The following MAL variants were observed in gnomAD, a reference collection of about 807,000 sequenced individuals.
MAL encodes mal, T cell differentiation protein (MAL blood group).
Under a neutral mutation model 16.7 loss-of-function variants are expected in MAL, and 5 were observed. That is an observed-to-expected ratio of 0.30 (90% CI 0.16 to 0.63). MAL has a LOEUF of 0.63. Ranked by LOEUF, MAL falls within the 30% of genes least tolerant of loss-of-function variation. The pLI is 0.82. For synonymous variants in MAL, 96 were observed against 85.5 expected (o/e 1.12, Z -0.67); for missense variants, 202 against 195.8 (o/e 1.03, Z -0.19).
At chr2:95,045,380 CCCAGGTA>C (rs1276594979) in intron 1 of MAL, among the ~76,000 whole-genome samples, 1 of 152,192 alleles carries the variant, frequency 6.6e-6, no homozygotes, top group Non-Finnish European at 1.5e-5. Flanking sequence ...TTCAGCCACA[CCCAGGTA>C]CCAGGAGACC....
Position 95,047,104 on chromosome 2 carries a change from AT to A in MAL, c.94-854del, listed in dbSNP as rs148037681. 7.9e-3 allele frequency among the ~76,000 whole-genome samples: 1,201 copies of A among 152,312 alleles called. 18 individuals are homozygous for A. The highest frequency in any genetic ancestry group is 0.028 in the African/African-American group (1,155 of 41,554). On this transcript the variant is annotated intron_variant, in intron 1 of 3. Transcript: ENST00000309988. Reference sequence around the variant, plus strand: ...CAGTGTGGTTAATTTGTTTTGCCAAATAAAGACCAAAAAGATCTGCTGGTCA... The same window carrying A: ...CAGTGTGGTTAATTTGTTTTGCCAAAAAAGACCAAAAAGATCTGCTGGTCA...
chr2:95,033,868 C>T (rs1012910014), intron 1 of MAL, among the ~76,000 whole-genome samples: 1 of 152,296 alleles, frequency 6.6e-6, no homozygotes, highest in South Asian at 2.1e-4. Context: ...TGGGCCTCAG[C>T]CAGCTCATCA....
intron 1 of MAL, among the ~76,000 whole-genome samples, chr2:95,043,964 C>T (rs182323207): frequency 1.5e-4 from 23 of 152,306 alleles, no homozygotes; most frequent in Admixed American, 3.3e-4. Context: ...GGTGTAAGAG[C>T]GTCCCTAGGA....
At chr2:95,045,957 C>T (rs1466980590) in intron 1 of MAL, among the ~76,000 whole-genome samples, 3 of 152,254 alleles carry the variant, frequency 2.0e-5, no homozygotes, top group Admixed American at 1.3e-4. Flanking sequence ...GTGCATCCCA[C>T]CGGCCCTGCC....
At chr2:95,035,771 G>GC (rs1674190259) in intron 1 of MAL, among the ~76,000 whole-genome samples, 1 of 150,258 alleles carries the variant, frequency 6.7e-6, no homozygotes, top group Non-Finnish European at 1.5e-5. Context: ...CTGGGCTCAC[G>GC]CCATTCTCCT....
At chr2:95,049,305 C>A (rs943900933) in intron 2 of MAL, among the ~76,000 whole-genome samples, 10 of 152,230 alleles carry the variant, frequency 6.6e-5, no homozygotes, top group Non-Finnish European at 1.2e-4. Context: ...CCCTGGGACA[C>A]CCCAAGCTGC....
intron 1 of MAL, among the ~76,000 whole-genome samples, chr2:95,042,211 C>A (rs560290782): frequency 6.6e-6 from 1 of 152,292 alleles, no homozygotes; most frequent in East Asian, 1.9e-4. Flanking sequence ...GGGGGGCAGT[C>A]GGCTGGCATC....
chr2:95,038,684 GTGAGTGAC>G (rs1229557771), intron 1 of MAL, among the ~76,000 whole-genome samples: 7 of 151,856 alleles, frequency 4.6e-5, no homozygotes, highest in South Asian at 4.2e-4. Context: ...GACTGACTGA[GTGAGTGAC>G]TGAGTGACTG....
chr2:95,049,831 T>C, intron 3 of MAL, 125 bp downstream of exon 3: 1 of 1,352,230 alleles, frequency 7.4e-7, no homozygotes, highest in Non-Finnish European at 1.0e-6. Context: ...GGTCAAACCT[T>C]GCCTTCATGC....
chr2:95,047,891 G>A (rs1454108254), intron 1 of MAL, 68 bp from the exon 2 acceptor site: 4 of 1,513,994 alleles, frequency 2.6e-6, no homozygotes, highest in Non-Finnish European at 2.7e-6. Context: ...TGTGACCGCT[G>A]GTCGGGGGCC....
intron 1 of MAL, among the ~76,000 whole-genome samples, chr2:95,039,428 CTGAG>C (rs1674381749): frequency 2.7e-5 from 2 of 73,100 alleles, no homozygotes; most frequent in African/African-American, 1.1e-4. Flanking sequence ...GAGTGAGTGA[CTGAG>C]TGACTGAGTG....
At chr2:95,044,714 A>G (rs931747440) in intron 1 of MAL, 4 of 152,306 alleles carry the variant, frequency 2.6e-5, no homozygotes, top group Non-Finnish European at 5.9e-5. Context: ...AATAGTCTTC[A>G]TCAGGTTGGT....
intron 1 of MAL, chr2:95,044,639 C>T (rs1283884820): frequency 6.6e-6 from 1 of 152,226 alleles, no homozygotes; most frequent in Non-Finnish European, 1.5e-5. Context: ...GACAAGGTTC[C>T]CACTATAGAC....
chr2:95,042,622 G>T (rs144344046), intron 1 of MAL, among the ~76,000 whole-genome samples: 3 of 152,316 alleles, frequency 2.0e-5, no homozygotes, highest in Non-Finnish European at 4.4e-5. Flanking sequence ...CAGTAACAGG[G>T]TGCAGCTGTG....
At chr2:95,038,275 A>G (rs1674305832) in intron 1 of MAL, among the ~76,000 whole-genome samples, 1 of 150,900 alleles carries the variant, frequency 6.6e-6, no homozygotes. Flanking sequence ...TGAGAGACTG[A>G]GTGACCGAGT....
At chr2:95,038,881 T>G (rs1674345849) in intron 1 of MAL, among the ~76,000 whole-genome samples, 1 of 150,290 alleles carries the variant, frequency 6.7e-6, no homozygotes, top group South Asian at 2.1e-4. Context: ...AGTGGGTGAG[T>G]GAGTGACTGA....
chr2:95,050,364 C>T (rs1489053348), intron 3 of MAL, among the ~76,000 whole-genome samples: 1 of 152,206 alleles, frequency 6.6e-6, no homozygotes, highest in Non-Finnish European at 1.5e-5. Flanking sequence ...TTGCACCAGT[C>T]TACGATATAA....
chr2:95,046,818 T>C (rs1384303403), intron 1 of MAL, among the ~76,000 whole-genome samples: 1 of 73,114 alleles, frequency 1.4e-5, no homozygotes, highest in African/African-American at 5.6e-5. Flanking sequence ...AAAGAAATAA[T>C]GAGCAAGAGA....
At chr2:95,035,571 G>A (rs969933140) in intron 1 of MAL, among the ~76,000 whole-genome samples, 2 of 152,132 alleles carry the variant, frequency 1.3e-5, no homozygotes, top group Non-Finnish European at 2.9e-5. Context: ...CTTCCCTGGG[G>A]CTCAAGGGGG....
Sources: gnomAD v4.1 joint callset for allele counts (sites outside exome capture counted in the v4.1 genomes callset) on GRCh38, gnomAD v4.1.1 for gene constraint, MANE v1.5 for transcripts, NCBI Gene and HGNC (gene_info 2026-07-23, HGNC 2026-07-21) for gene names.